Variants in CFAP58 observed in about 807,000 individuals in gnomAD.
The protein encoded by CFAP58 is cilia and flagella associated protein 58.
Under a neutral mutation model 119.5 loss-of-function variants are expected in CFAP58, and 88 were observed. The ratio of observed to expected loss-of-function variants is 0.74; its 90% CI spans 0.62 to 0.88. CFAP58 has a LOEUF of 0.88. Ranked by LOEUF, CFAP58 falls within the 40% of genes least tolerant of loss-of-function variation. CFAP58 has a pLI of 0.00. For missense variants in CFAP58, 990 were observed against 1,021.2 expected, an observed-to-expected ratio of 0.97 and a Z score of 0.42; for synonymous variants, 365 against 366.3, an observed-to-expected ratio of 1.00 and a Z score of 0.04.
chr10:104,446,710 A>AT (rs1245082160), intron 15 of CFAP58, among the ~76,000 whole-genome samples: 1 of 152,230 alleles, frequency 6.6e-6, no homozygotes, highest in Non-Finnish European at 1.5e-5. Context: ...GTTTATTCAA[A>AT]TTATTGCAGT....
At chr10:104,376,444 G>A (rs2011663905) in intron 7 of CFAP58, among the ~76,000 whole-genome samples, 1 of 147,686 alleles carries the variant, frequency 6.8e-6, no homozygotes, top group African/African-American at 2.5e-5. Flanking sequence ...GGCGGAGGTT[G>A]TAGAGCCGAG....
In CFAP58 at chr10:104,357,896, TATGTACACATATACAC is replaced by T. The variant is rs1564875827; in HGVS notation, c.10-443_10-428del. On this transcript the variant is annotated intron_variant, in intron 1 of 17. Transcript: ENST00000369704. ...ATATATGTACACATATATAAACATATATGTACACATATACACACATATATGTACACATATACACACA... is the reference window on the plus strand; with the variant it reads ...ATATATGTACACATATATAAACATATACATATATGTACACATATACACACA... Among the ~76,000 whole-genome samples, 69 of 120,276 alleles carry T rather than the reference TATGTACACATATACAC, an allele frequency of 5.7e-4. 5 individuals carry two copies. Among genetic ancestry groups the T allele is most frequent in the African/African-American group, 2.8e-3 (65 of 23,550 alleles). The allele number at this position is 120,276 out of a possible 152,430, so 78.9% of individuals were successfully genotyped here. A position where few individuals can be genotyped will look rare whatever the true frequency, so the allele number is the denominator to read the frequency against.
chr10:104,340,685 G>A, the CFAP58 span, among the ~76,000 whole-genome samples: 2 of 152,202 alleles, frequency 1.3e-5, no homozygotes, highest in Non-Finnish European at 2.9e-5. Flanking sequence ...AGGGAAGAAA[G>A]GGGGTCTCCA....
chr10:104,447,064 A>C (rs1326743818), intron 15 of CFAP58, among the ~76,000 whole-genome samples: 2 of 151,242 alleles, frequency 1.3e-5, no homozygotes, highest in Admixed American at 1.3e-4. Flanking sequence ...TGCACAGCTC[A>C]TTGCTCCCTC....
chr10:104,369,960 AT>A, intron 6 of CFAP58, among the ~76,000 whole-genome samples: 1 of 152,196 alleles, frequency 6.6e-6, no homozygotes, highest in Non-Finnish European at 1.5e-5. Context: ...TGCTAGGATT[AT>A]TTTTGGGGAC....
chr10:104,397,889 T>A (rs1053201503), intron 11 of CFAP58, among the ~76,000 whole-genome samples: 4 of 152,238 alleles, frequency 2.6e-5, no homozygotes, highest in Non-Finnish European at 5.9e-5. Flanking sequence ...ATGCCCTATA[T>A]AGTGCATGGC....
At chr10:104,411,502 C>T (rs929931287) in intron 15 of CFAP58, among the ~76,000 whole-genome samples, 2 of 151,906 alleles carry the variant, frequency 1.3e-5, no homozygotes, top group Non-Finnish European at 2.9e-5. Flanking sequence ...GTGGATTTTT[C>T]TTTTTGTGTT....
At chr10:104,379,411 C>T (rs1378311496) in intron 8 of CFAP58, among the ~76,000 whole-genome samples, 1 of 152,122 alleles carries the variant, frequency 6.6e-6, no homozygotes, top group Non-Finnish European at 1.5e-5. Context: ...ATCTGTTTAT[C>T]AGTTGATGAA....
intron 15 of CFAP58, among the ~76,000 whole-genome samples, chr10:104,416,810 G>A (rs1351951338): frequency 1.3e-5 from 2 of 152,136 alleles, no homozygotes; most frequent in African/African-American, 2.4e-5. Flanking sequence ...CCACATAATG[G>A]GTACCTGGTG....
chr10:104,399,417 C>T lies in CFAP58; in HGVS notation c.1732C>T (p.Gln578Ter). The change falls in exon 12 of 18, where the codon CAA becomes TAA. Residue 578 changes from glutamine to a stop codon, truncating the protein, a stop_gained. Coordinates refer to ENST00000369704, the MANE Select transcript of CFAP58 (RefSeq NM_001008723.2). LOFTEE classifies it high-confidence loss of function. The stretch of plus-strand genomic sequence containing the variant: ...GGAGACAAAACACTTTATTGAAAAG[C>T]AAGAAGCTGAAGAGAGAAAACTCCT... ...ALETKHFIEK[Q>*]EAEERKLLRI... 1 of 1,613,760 alleles carries T rather than the reference C, an allele frequency of 6.2e-7. No homozygotes were observed. The highest frequency in any genetic ancestry group is 1.1e-5 in the South Asian group (1 of 91,070).
intron 15 of CFAP58, among the ~76,000 whole-genome samples, chr10:104,418,565 A>T (rs2012592006): frequency 6.6e-6 from 1 of 152,158 alleles, no homozygotes; most frequent in Non-Finnish European, 1.5e-5. Context: ...AAACAAAATC[A>T]AAAACAAACC....
intron 1 of CFAP58, 59 bp downstream of exon 1, chr10:104,353,965 C>T (rs1279350802): frequency 2.6e-5 from 42 of 1,590,630 alleles, no homozygotes; most frequent in Non-Finnish European, 3.5e-5. Flanking sequence ...TGTCCCTCTC[C>T]TACTGACGAT....
chr10:104,389,947 A>G (rs1284535515), intron 9 of CFAP58, among the ~76,000 whole-genome samples: 1 of 152,204 alleles, frequency 6.6e-6, no homozygotes, highest in Non-Finnish European at 1.5e-5. Flanking sequence ...CATTAAAAGA[A>G]TCATCCAGTA....
At chr10:104,359,786 A>C (rs978539058) in intron 2 of CFAP58, among the ~76,000 whole-genome samples, 1 of 152,218 alleles carries the variant, frequency 6.6e-6, no homozygotes, top group African/African-American at 2.4e-5. Flanking sequence ...ACAGAGCAAG[A>C]CTCCGTCTCC....
intron 14 of CFAP58, among the ~76,000 whole-genome samples, chr10:104,405,149 C>T (rs189835860): frequency 7.9e-5 from 12 of 152,308 alleles, no homozygotes; most frequent in Admixed American, 7.8e-4. Flanking sequence ...ATTTTAACAG[C>T]GTCCAACCCT....
At chr10:104,433,357 G>A (rs757482441) in intron 15 of CFAP58, among the ~76,000 whole-genome samples, 1 of 152,284 alleles carries the variant, frequency 6.6e-6, no homozygotes, top group Admixed American at 6.5e-5. Context: ...CAGAGCACCG[G>A]CATTACAGGC....
intron 3 of CFAP58, among the ~76,000 whole-genome samples, chr10:104,362,503 C>T (rs1487212022): frequency 6.6e-6 from 1 of 152,144 alleles, no homozygotes; most frequent in East Asian, 1.9e-4. Context: ...CTTCTCCCAC[C>T]TACTCCCCAT....
chr10:104,369,440 C>G (rs1292822446), intron 6 of CFAP58, among the ~76,000 whole-genome samples: 1 of 152,134 alleles, frequency 6.6e-6, no homozygotes, highest in Non-Finnish European at 1.5e-5. Flanking sequence ...ATTAAAACAT[C>G]TTAGAAATGG....
intron 15 of CFAP58, among the ~76,000 whole-genome samples, chr10:104,414,872 C>G (rs905253719): frequency 1.3e-5 from 2 of 152,094 alleles, no homozygotes; most frequent in African/African-American, 2.4e-5. Context: ...CGGGGTTTCA[C>G]CGAATTTTAT....
Sources: gnomAD v4.1 joint callset for allele counts (sites outside exome capture counted in the v4.1 genomes callset) on GRCh38, gnomAD v4.1.1 for gene constraint, MANE v1.5 for transcripts, NCBI Gene and HGNC (gene_info 2026-07-23, HGNC 2026-07-21) for gene names.